HNRNPD: variants seen among roughly 807,000 people sequenced by gnomAD.
HNRNPD encodes heterogeneous nuclear ribonucleoprotein D.
Under a neutral mutation model 47.9 loss-of-function variants are expected in HNRNPD, and 3 were observed. That is an observed-to-expected ratio of 0.06 (90% CI 0.03 to 0.16). The LOEUF is 0.16. HNRNPD is among the 10% of genes least tolerant of loss of function. The pLI is 1.00. For missense variants in HNRNPD, 287 were observed against 454.2 expected (o/e 0.63, Z 3.35); for synonymous variants, 171 against 165.1 (o/e 1.04, Z -0.28).
intron 7 of HNRNPD, 134 bp downstream of exon 7, chr4:82,356,403 G>A (rs1723714519): frequency 3.0e-6 from 2 of 662,482 alleles, no homozygotes. Context: ...TAAAATGGCT[G>A]CAGTTTCAAG....
At chr4:82,361,017 GTTCAGGACT>G (rs2109993241) in intron 2 of HNRNPD, among the ~76,000 whole-genome samples, 1 of 152,278 alleles carries the variant, frequency 6.6e-6, no homozygotes, top group South Asian at 2.1e-4. Context: ...TATGCTTAAT[GTTCAGGACT>G]TCCTCAAAGT....
Position 82,356,618 on chromosome 4 carries a change from A to G in HNRNPD, c.919T>C (p.Tyr307His). ...YWNQGYGNYG[Y>H]NSQGYGGYGG... The stretch of plus-strand genomic sequence containing the variant: ...TAACCACCGTAACCTTGGCTGTTAT[A>G]TCCATAGTTGCCATAGCCTTGATTC... The change falls in exon 7 of 9, where the codon TAT becomes CAT. Residue 307 changes from tyrosine (Y) to histidine (H), a missense_variant. Tyr to His is a moderately conservative substitution (Grantham distance 83, BLOSUM62 2). Around this residue, in one of 5 missense-constraint regions of HNRNPD, gnomAD observed 65 missense variants for 107.1 expected, o/e 0.61. Transcript: ENST00000313899. The G allele has an allele frequency of 1.2e-6, 2 of 1,612,214 alleles. No individual in the cohort carries two copies. The highest frequency in any genetic ancestry group is 1.7e-6 in the Non-Finnish European group (2 of 1,179,698).
In HNRNPD at chr4:82,356,691, A is replaced by G; in HGVS notation, c.854-8T>C. ...TCCAGTTTTGACTGGGGCCTGCAGC[A>G]CATTAATAGGTTCACTAAAGTCAGA... On this transcript the variant is annotated splice_polypyrimidine_tract_variant and splice_region_variant and intron_variant, in intron 6 of 8. Coordinates refer to ENST00000313899, the MANE Select transcript of HNRNPD (RefSeq NM_031370.3). The G allele has an allele frequency of 6.2e-7, 1 of 1,613,668 alleles. No homozygotes were observed. The highest frequency in any genetic ancestry group is 8.5e-7 in the Non-Finnish European group (1 of 1,179,968).
chr4:82,370,513 A>T (rs1385989236), intron 2 of HNRNPD, among the ~76,000 whole-genome samples: 3 of 145,290 alleles, frequency 2.1e-5, no homozygotes, highest in Non-Finnish European at 3.0e-5. Flanking sequence ...ATTCATCGAA[A>T]CTGTGACCCC....
At chr4:82,362,791 G>A (rs761052333) in intron 2 of HNRNPD, among the ~76,000 whole-genome samples, 88 of 152,032 alleles carry the variant, frequency 5.8e-4, no homozygotes, top group Non-Finnish European at 9.6e-4. Context: ...GTAGAGACGG[G>A]GTTTCCCCTC....
At chr4:82,369,497 GA>G (rs1429441271) in intron 2 of HNRNPD, among the ~76,000 whole-genome samples, 1 of 152,216 alleles carries the variant, frequency 6.6e-6, no homozygotes, top group Non-Finnish European at 1.5e-5. Flanking sequence ...ATTTTAGGAT[GA>G]AACTGTAATC....
In HNRNPD at chr4:82,373,611, G is replaced by T; in HGVS notation, c.68C>A (p.Ala23Glu). The change falls in exon 1 of 9, where the codon GCG (alanine) becomes GAG (glutamate). Residue 23 changes from alanine (A) to glutamate (E), a missense_variant. Coordinates refer to ENST00000313899, the MANE Select transcript of HNRNPD (RefSeq NM_031370.3). ...AAATAAVGGS[A>E]GEQEGAMVAA... ...CACCATGGCTCCCTCCTGCTCGCCC[G>T]CCGAGCCGCCTACCGCCGCCGTTGC... is the stretch of plus-strand genomic sequence containing the variant. 2.0e-6 allele frequency: 3 copies of T among 1,526,880 alleles called. No individual in the cohort carries two copies. In the African/African-American group the frequency reaches 4.2e-5, roughly 22 times the overall value. The allele number at this position is 1,526,880 out of a possible 1,614,324, so 94.6% of individuals were successfully genotyped here.
At position 82,373,527 on chromosome 4, in the gene HNRNPD, G is replaced by A. The variant is rs1286242098; in HGVS notation, c.152C>T (p.Thr51Ile). 11 of 1,541,288 alleles carry A rather than the reference G, an allele frequency of 7.1e-6. No individual in the cohort carries two copies. The highest frequency in any genetic ancestry group is 4.0e-5 in the Admixed American group (2 of 50,038). The change falls in exon 1 of 9, where the codon ACC becomes ATC. Residue 51 changes from threonine (T) to isoleucine (I), a missense_variant. Transcript: ENST00000313899. ...AGSGAGTGGG[T>I]ASGGTEGGSA... ...GCCCCCTTCGGTGCCTCCAGACGCG[G>A]TTCCGCCCCCGGTCCCGGCTCCGCT...
chr4:82,373,268 A>T, intron 1 of HNRNPD, 178 bp downstream of exon 1: 2 of 833,698 alleles, frequency 2.4e-6, no homozygotes, highest in Non-Finnish European at 3.8e-6. Flanking sequence ...AAGCAGGCAA[A>T]GGAAGAAGGA....
At chr4:82,364,655 G>A (rs1719664069) in intron 2 of HNRNPD, among the ~76,000 whole-genome samples, 2 of 152,230 alleles carry the variant, frequency 1.3e-5, no homozygotes, top group South Asian at 4.1e-4. Context: ...AATAGTCCAT[G>A]TAAAAAAATA....
chr4:82,364,599 C>G (rs189695182), intron 2 of HNRNPD, among the ~76,000 whole-genome samples: 2 of 152,204 alleles, frequency 1.3e-5, no homozygotes, highest in East Asian at 3.9e-4. Flanking sequence ...TAAACATATT[C>G]TAATATTTTC....
chr4:82,364,199 G>C (rs935807003), intron 2 of HNRNPD, among the ~76,000 whole-genome samples: 2 of 151,970 alleles, frequency 1.3e-5, no homozygotes, highest in African/African-American at 4.8e-5. Context: ...TCCAACTCCT[G>C]GGCTCAAGCT....
intron 2 of HNRNPD, among the ~76,000 whole-genome samples, chr4:82,369,699 AAG>A (rs1055887513): frequency 0.023 from 3,478 of 151,960 alleles, 133 homozygotes; most frequent in African/African-American, 0.079. Context: ...AAAAAAAAAA[AAG>A]AGAGAGAAAA....
intron 2 of HNRNPD, among the ~76,000 whole-genome samples, chr4:82,368,118 G>C (rs1284566578): frequency 6.6e-6 from 1 of 152,174 alleles, no homozygotes; most frequent in South Asian, 2.1e-4. Flanking sequence ...ACACACTTGA[G>C]GTACACAGCT....
chr4:82,355,872 G>C (rs1234844338), intron 7 of HNRNPD: 1 of 156,968 alleles, frequency 6.4e-6, no homozygotes, highest in Non-Finnish European at 1.4e-5. Flanking sequence ...CCTAAGAAAG[G>C]ATATAACTCC....
At position 82,373,853 on chromosome 4, in the gene HNRNPD, C is replaced by A; in HGVS notation, c.-175G>T. ...GCTCCTGCGCCTCTCCCTGGCCTGCCCCCTTCGCCTCCCACTCTCGCGCGG... is the reference window on the plus strand; with the variant it reads ...GCTCCTGCGCCTCTCCCTGGCCTGCACCCTTCGCCTCCCACTCTCGCGCGG... On this transcript the variant is annotated 5_prime_UTR_variant, in exon 1 of 9. Coordinates refer to ENST00000313899, the MANE Select transcript of HNRNPD (RefSeq NM_031370.3). 1 of 1,378,342 alleles carries A rather than the reference C, an allele frequency of 7.3e-7. No individual in the cohort carries two copies. The highest frequency in any genetic ancestry group is 1.4e-5 in the South Asian group (1 of 69,570). 85.4% of individuals were successfully genotyped at this position (1,378,342 alleles called of 1,614,324 possible).
chr4:82,360,548 GTTT>G (rs1723921122), intron 2 of HNRNPD, among the ~76,000 whole-genome samples: 1 of 152,030 alleles, frequency 6.6e-6, no homozygotes, highest in Admixed American at 6.6e-5. Flanking sequence ...AGGACTGGAG[GTTT>G]TTAATTTTAA....
chr4:82,356,358 T>C lies in HNRNPD; in HGVS notation c.1000+179A>G, dbSNP rs1477329597. 4 of 576,088 alleles carry C rather than the reference T, an allele frequency of 6.9e-6. No individual in the cohort carries two copies. The East Asian group carries it at 1.1e-4, about 16-fold the overall frequency. 35.7% of individuals were successfully genotyped at this position (576,088 alleles called of 1,614,324 possible). On this transcript the variant is annotated intron_variant, in intron 7 of 8. Coordinates refer to ENST00000313899, the MANE Select transcript of HNRNPD (RefSeq NM_031370.3). Reference sequence around the variant, plus strand: ...CCACACATACACCCTACCCTTATAATGTGTGTGTGATATAGGCTGGGAGGA... The same window carrying C: ...CCACACATACACCCTACCCTTATAACGTGTGTGTGATATAGGCTGGGAGGA...
At chr4:82,373,389 T>C (rs553996350) in intron 1 of HNRNPD, 57 bp downstream of exon 1, 2 of 1,454,426 alleles carry the variant, frequency 1.4e-6, no homozygotes, top group South Asian at 1.4e-5. Flanking sequence ...GGCGGGGGAA[T>C]AAAGAGGGGG....
Sources: gnomAD v4.1 joint callset for allele counts (sites outside exome capture counted in the v4.1 genomes callset) on GRCh38, gnomAD v4.1.1 for gene constraint, gnomAD v4.1.1 regional missense constraint, MANE v1.5 for transcripts, NCBI Gene and HGNC (gene_info 2026-07-23, HGNC 2026-07-21) for gene names.